Variants in DSCAM observed in about 807,000 individuals in gnomAD.
The protein encoded by DSCAM is DS cell adhesion molecule.
DSCAM carries 47 observed loss-of-function variants against 217.7 expected under a neutral mutation model. The ratio of observed to expected loss-of-function variants is 0.22; its 90% CI spans 0.17 to 0.28. The LOEUF is 0.28. DSCAM is among the 10% of genes least tolerant of loss of function. The pLI, the probability that DSCAM is intolerant of heterozygous loss-of-function variation, is 1.00. For synonymous variants in DSCAM, 1,056 were observed against 1,015.3 expected (o/e 1.04, Z -0.76); for missense variants, 2,080 against 2,618.3 (o/e 0.79, Z 4.49).
At chr21:40,694,202 C>T (rs958772216) in intron 2 of DSCAM, among the ~76,000 whole-genome samples, 1 of 152,130 alleles carries the variant, frequency 6.6e-6, no homozygotes, top group Non-Finnish European at 1.5e-5. Flanking sequence ...GCTTTGTTTT[C>T]CTCAAATTTA....
In DSCAM at chr21:40,169,475, G is replaced by A. The variant is rs555668282; in HGVS notation, c.2948-2187C>T. ...TCCCCAGGAGTCAGTGCTCTAAGAT[G>A]CAGGGATTGCTACTCCAAGAGGATA... On this transcript the variant is annotated intron_variant, in intron 15 of 32. Transcript: ENST00000400454. Among the ~76,000 whole-genome samples, 11 of 152,242 alleles carry A rather than the reference G, an allele frequency of 7.2e-5. No homozygotes were observed. The East Asian group carries it at 2.1e-3, about 29-fold the overall frequency.
At chr21:40,105,801 CA>C (rs1037547117) in intron 20 of DSCAM, among the ~76,000 whole-genome samples, 1 of 152,098 alleles carries the variant, frequency 6.6e-6, no homozygotes, top group African/African-American at 2.4e-5. Context: ...AATAAATAGG[CA>C]AAAATTGCAC....
intron 11 of DSCAM, among the ~76,000 whole-genome samples, chr21:40,268,774 C>G (rs140834604): frequency 0.01 from 1,529 of 152,138 alleles, 30 homozygotes; most frequent in African/African-American, 0.035. Flanking sequence ...CATGGTGAAA[C>G]CCCATCTATA....
At chr21:40,691,381 A>G (rs1256819523) in intron 3 of DSCAM, among the ~76,000 whole-genome samples, 1 of 152,184 alleles carries the variant, frequency 6.6e-6, no homozygotes, top group East Asian at 1.9e-4. Context: ...CGGAAGATTG[A>G]AAAGGTAGCT....
chr21:40,229,928 G>T (rs1420427906), intron 11 of DSCAM, among the ~76,000 whole-genome samples: 2 of 152,178 alleles, frequency 1.3e-5, no homozygotes, highest in African/African-American at 2.4e-5. Flanking sequence ...TGTCGAGCTG[G>T]CTCTATACTT....
rs920640192 is a variant in DSCAM at position 40,818,717 on chromosome 21, G to C, written c.43+27902C>G. On this transcript the variant is annotated intron_variant, in intron 1 of 32. Transcript: ENST00000400454. ...TTCTCCAACCCTCCATGGACACTGA[G>C]GTTAAGAACAGAACAATTAAAAATA... Among the ~76,000 whole-genome samples the C allele has an allele frequency of 1.9e-4, 29 of 151,726 alleles. 1 individual carries two copies. The highest frequency in any genetic ancestry group is 6.8e-3 in the Middle Eastern group (2 of 294).
At chr21:40,475,422 C>T (rs1298194724) in intron 3 of DSCAM, among the ~76,000 whole-genome samples, 2 of 152,222 alleles carry the variant, frequency 1.3e-5, no homozygotes, top group Non-Finnish European at 2.9e-5. Flanking sequence ...GGGCCCCCTT[C>T]GTCATGATTG....
At chr21:40,085,135 T>A (rs1182645154) in intron 23 of DSCAM, among the ~76,000 whole-genome samples, 1 of 152,246 alleles carries the variant, frequency 6.6e-6, no homozygotes, top group Non-Finnish European at 1.5e-5. Context: ...AATACATAGC[T>A]AAATACTACA....
In DSCAM at chr21:40,124,177, G is replaced by A. The variant is rs760441082; in HGVS notation, c.3696+18C>T. 8 of 1,613,796 alleles carry A rather than the reference G, an allele frequency of 5.0e-6. No individual in the cohort carries two copies. The highest frequency in any genetic ancestry group is 6.8e-6 in the Non-Finnish European group (8 of 1,179,830). ...CCTGGCAGACGCTTGAAAGGCACTT[G>A]GTTATTTACCAACTTACTGTGGGAT... On this transcript the variant is annotated intron_variant, in intron 20 of 32. Coordinates refer to ENST00000400454, the MANE Select transcript of DSCAM (RefSeq NM_001389.5).
intron 3 of DSCAM, among the ~76,000 whole-genome samples, chr21:40,567,572 T>C (rs1044473056): frequency 6.6e-6 from 1 of 152,090 alleles, no homozygotes; most frequent in Non-Finnish European, 1.5e-5. Context: ...GACAAACATC[T>C]GTCTCTATAA....
At chr21:40,413,593 G>A (rs1601623242) in intron 3 of DSCAM, among the ~76,000 whole-genome samples, 1 of 152,136 alleles carries the variant, frequency 6.6e-6, no homozygotes, top group African/African-American at 2.4e-5. Flanking sequence ...CATCCCAGCA[G>A]GATATTGACA....
At chr21:40,351,326 GT>G (rs939912305) in intron 5 of DSCAM, among the ~76,000 whole-genome samples, 1 of 152,180 alleles carries the variant, frequency 6.6e-6, no homozygotes, top group African/African-American at 2.4e-5. Context: ...GGAGGAAGAT[GT>G]TGATAATAAT....
At chr21:40,692,120 T>C (rs2090544993) in intron 3 of DSCAM, among the ~76,000 whole-genome samples, 1 of 152,238 alleles carries the variant, frequency 6.6e-6, no homozygotes, top group South Asian at 2.1e-4. Context: ...TTTTGAGATA[T>C]GCCAACAGTC....
chr21:40,718,789 T>C (rs1375239118), intron 1 of DSCAM, among the ~76,000 whole-genome samples: 2 of 152,152 alleles, frequency 1.3e-5, no homozygotes, highest in South Asian at 2.1e-4. Context: ...CCAAAATACA[T>C]AATGAACTCC....
At chr21:40,550,007 C>A (rs2076616555) in intron 3 of DSCAM, among the ~76,000 whole-genome samples, 1 of 152,190 alleles carries the variant, frequency 6.6e-6, no homozygotes, top group South Asian at 2.1e-4. Flanking sequence ...AAGCCCTACG[C>A]TTGGTATTTT....
At chr21:40,419,662 CT>C (rs2075404525) in intron 3 of DSCAM, among the ~76,000 whole-genome samples, 1 of 152,156 alleles carries the variant, frequency 6.6e-6, no homozygotes, top group Non-Finnish European at 1.5e-5. Flanking sequence ...ATCTTCTAGC[CT>C]ATCAAAAGAA....
In DSCAM at chr21:40,062,517, CTG is replaced by C. The variant is rs781234149; in HGVS notation, c.4919+350_4919+351del. Among the ~76,000 whole-genome samples, 9 of 152,178 alleles carry C rather than the reference CTG, an allele frequency of 5.9e-5. No homozygotes were observed. The South Asian group carries it at 8.3e-4, about 14-fold the overall frequency. On this transcript the variant is annotated intron_variant, in intron 28 of 32. Coordinates refer to ENST00000400454, the MANE Select transcript of DSCAM (RefSeq NM_001389.5). ...TGCTTTTCTTTTAACTTGGATTATT[CTG>C]TTAGAAAGAAGGCTTGACCTCACCA...
At chr21:40,537,392 A>C (rs2076507470) in intron 3 of DSCAM, among the ~76,000 whole-genome samples, 1 of 152,158 alleles carries the variant, frequency 6.6e-6, no homozygotes, top group African/African-American at 2.4e-5. Flanking sequence ...TTGAGTAACT[A>C]AACTCTGAGA....
intron 1 of DSCAM, among the ~76,000 whole-genome samples, chr21:40,815,460 C>A (rs563719310): frequency 2.0e-5 from 3 of 152,212 alleles, no homozygotes; most frequent in African/African-American, 7.2e-5. Context: ...AAGCTGGCAC[C>A]AACCCTCTGC....
Sources: gnomAD v4.1 joint callset for allele counts (sites outside exome capture counted in the v4.1 genomes callset) on GRCh38, gnomAD v4.1.1 for gene constraint, MANE v1.5 for transcripts, NCBI Gene and HGNC (gene_info 2026-07-23, HGNC 2026-07-21) for gene names.